PABPC1: variants seen among roughly 807,000 people sequenced by gnomAD.
PABPC1 encodes polyadenylate-binding protein 1.
PABPC1 carries 4 observed loss-of-function variants against 74.0 expected under a neutral mutation model. The ratio of observed to expected loss-of-function variants is 0.05; its 90% CI spans 0.03 to 0.12. PABPC1 has a LOEUF of 0.12. PABPC1 is among the 10% of genes least tolerant of loss of function. PABPC1 has a pLI of 1.00. For synonymous variants in PABPC1, 227 were observed against 264.1 expected (o/e 0.86, Z 1.36); for missense variants, 271 against 821.1 (o/e 0.33, Z 8.19).
rs529080613 is a variant in PABPC1, at chr8:100,718,393, C to G, written c.194-113G>C. On this transcript the variant is annotated intron_variant, in intron 1 of 14. Coordinates refer to ENST00000318607, the MANE Select transcript of PABPC1 (RefSeq NM_002568.4). ...GAGGACACATGGTCTCACAGTTGAACGCTTCCTCTTTAAGCTTCAAGATGG... is the reference window on the plus strand; with the variant it reads ...GAGGACACATGGTCTCACAGTTGAAGGCTTCCTCTTTAAGCTTCAAGATGG... The G allele has an allele frequency of 8.3e-5, 66 of 792,758 alleles. No homozygotes were observed. The African/African-American group carries it at 9.7e-4, about 12-fold the overall frequency. The allele number at this position is 792,758 out of a possible 1,614,324, so 49.1% of individuals were successfully genotyped here.
At position 100,721,687 on chromosome 8, in the gene PABPC1, G is replaced by A. The variant is rs1289412075; in HGVS notation, c.-104C>T. On this transcript the variant is annotated 5_prime_UTR_variant, in exon 1 of 15. Coordinates refer to ENST00000318607, the MANE Select transcript of PABPC1 (RefSeq NM_002568.4). The surrounding 1 kb of genome is among the most constrained non-coding windows in gnomAD (Gnocchi z 7.4). ...GGAGCCGGGGGGAGGGGAGCGGGGA[G>A]CAAGCGCAGAGGGACAAAAATCAAC... The A allele has an allele frequency of 1.0e-5, 10 of 1,004,138 alleles. No homozygotes were observed. Among genetic ancestry groups the A allele is most frequent in the Middle Eastern group, 7.0e-4 (2 of 2,872 alleles). The allele number at this position is 1,004,138 out of a possible 1,614,324, so 62.2% of individuals were successfully genotyped here. A position where few individuals can be genotyped will look rare whatever the true frequency, so the allele number is the denominator to read the frequency against.
At chr8:100,708,164 T>C (rs1386995748) in intron 9 of PABPC1, among the ~76,000 whole-genome samples, 1 of 152,262 alleles carries the variant, frequency 6.6e-6, no homozygotes, top group East Asian at 1.9e-4. Flanking sequence ...GAACAGCTCG[T>C]GTCCTCGGTC....
chr8:100,716,308 C>T (rs1325931927), intron 3 of PABPC1, among the ~76,000 whole-genome samples: 6 of 152,016 alleles, frequency 3.9e-5, no homozygotes, highest in South Asian at 4.1e-4. Context: ...GGCTGAAGCA[C>T]GACAATTGCT....
In PABPC1 at chr8:100,705,023, T is replaced by A. The variant is rs922155735; in HGVS notation, c.1721A>T (p.His574Leu). 6.2e-7 allele frequency: 1 copy of A among 1,613,852 alleles called. No individual in the cohort carries two copies. Among genetic ancestry groups the A allele is most frequent in the Non-Finnish European group, 8.5e-7 (1 of 1,179,976 alleles). ...AGTGATTTTACCAGCAAGAGTAGGG[T>A]GCATGGCTTGAATAAGAGGAAACAG... ...ERLFPLIQAM[H>L]PTLAGKITGM... Residue 574 changes from histidine (H) to leucine (L), a missense_variant, in exon 13 of 15, where the codon CAC becomes CTC. This residue lies in a region of PABPC1 where 103 missense variants were observed against 245.3 expected (regional missense o/e 0.42). Transcript: ENST00000318607.
chr8:100,714,655 G>C (rs896321472), intron 4 of PABPC1, among the ~76,000 whole-genome samples: 5 of 152,148 alleles, frequency 3.3e-5, no homozygotes, highest in African/African-American at 9.7e-5. Flanking sequence ...CTTGAACCCG[G>C]GAGGCGGAGG....
intron 7 of PABPC1, among the ~76,000 whole-genome samples, chr8:100,710,756 G>A (rs1810506774): frequency 2.0e-5 from 3 of 148,576 alleles, no homozygotes; most frequent in Admixed American, 2.0e-4. Context: ...GGAGGCCAAG[G>A]CGGGTGGATC....
At chr8:100,706,576 T>C in intron 11 of PABPC1, 75 bp downstream of exon 11, 1 of 1,347,402 alleles carries the variant, frequency 7.4e-7, no homozygotes, top group South Asian at 1.3e-5. Context: ...TGTGAGCCAC[T>C]GTGCCCAGCT....
intron 9 of PABPC1, among the ~76,000 whole-genome samples, chr8:100,708,077 TTAA>T (rs1359386091): frequency 1.3e-5 from 2 of 152,240 alleles, no homozygotes; most frequent in Admixed American, 1.3e-4. Flanking sequence ...AAACTAATGA[TTAA>T]TGATATTCAT....
At chr8:100,719,151 A>G (rs1463672869) in intron 1 of PABPC1, among the ~76,000 whole-genome samples, 1 of 152,226 alleles carries the variant, frequency 6.6e-6, no homozygotes, top group Non-Finnish European at 1.5e-5. Flanking sequence ...TAAAGGCTCT[A>G]AATGAAATAA....
intron 9 of PABPC1, 75 bp from the exon 10 acceptor site, chr8:100,707,072 G>C: frequency 9.2e-7 from 1 of 1,087,090 alleles, no homozygotes; most frequent in Non-Finnish European, 1.4e-6. Flanking sequence ...TGTCTTCTTC[G>C]ATCTGAGGTT....
chr8:100,717,634 A>G (rs1810705938), intron 3 of PABPC1, 139 bp downstream of exon 3: 2 of 605,186 alleles, frequency 3.3e-6, no homozygotes, highest in East Asian at 5.7e-5. Context: ...AATTTTTGTT[A>G]TTCATCTTTA....
At chr8:100,718,743 T>A (rs1035732727) in intron 1 of PABPC1, among the ~76,000 whole-genome samples, 1 of 152,200 alleles carries the variant, frequency 6.6e-6, no homozygotes, top group Non-Finnish European at 1.5e-5. Context: ...AAATTGGTCA[T>A]TTCATTGCTA....
At position 100,710,516 on chromosome 8, in the gene PABPC1, G is replaced by C. The variant is rs566102432; in HGVS notation, c.973-785C>G. ...GGGCTACTCAATACATGACACACTG[G>C]GACAAATGAAAAAATGTAGAACTCT... is the stretch of plus-strand genomic sequence containing the variant. On this transcript the variant is annotated intron_variant, in intron 7 of 14. Coordinates refer to ENST00000318607, the MANE Select transcript of PABPC1 (RefSeq NM_002568.4). Among the ~76,000 whole-genome samples the C allele has an allele frequency of 3.9e-5, 6 of 151,988 alleles. No individual in the cohort carries two copies. In the South Asian group the frequency reaches 6.2e-4, roughly 16 times the overall value.
At chr8:100,710,811 A>G (rs1020019132) in intron 7 of PABPC1, among the ~76,000 whole-genome samples, 3 of 151,522 alleles carry the variant, frequency 2.0e-5, no homozygotes, top group African/African-American at 7.3e-5. Flanking sequence ...ACGTGGCGAA[A>G]CCCCGTCTTT....
At position 100,712,700 on chromosome 8, in the gene PABPC1, A is replaced by C. The variant is rs755944840; in HGVS notation, c.828T>G (p.Leu276=). 3.1e-6 allele frequency: 5 copies of C among 1,612,864 alleles called. No individual in the cohort carries two copies. Among genetic ancestry groups the C allele is most frequent in the Non-Finnish European group, 4.2e-6 (5 of 1,179,624 alleles). Reference sequence around the variant, plus strand: ...GTTTCATCTGTTCAAATTTGCGCTTAAGTTCCGTCTGCCGTTCCACCTTTT... The same window carrying C: ...GTTTCATCTGTTCAAATTTGCGCTTCAGTTCCGTCTGCCGTTCCACCTTTT... ...AQKKVERQTE[L]KRKFEQMKQD... Residue 276 remains leucine, a synonymous_variant, in exon 6 of 15, where the codon CTT becomes CTG. Transcript: ENST00000318607.
chr8:100,706,118 T>G (rs1041771962), intron 11 of PABPC1, among the ~76,000 whole-genome samples: 1 of 152,180 alleles, frequency 6.6e-6, no homozygotes, highest in Non-Finnish European at 1.5e-5. Context: ...GTGCTGGGAT[T>G]ACATAGAGGT....
chr8:100,721,352 C>A lies in PABPC1; in HGVS notation c.193+39G>T. The A allele has an allele frequency of 2.3e-6, 3 of 1,298,638 alleles. No homozygotes were observed. The highest frequency in any genetic ancestry group is 1.5e-5 in the African/African-American group (1 of 65,266). The allele number at this position is 1,298,638 out of a possible 1,614,324, so 80.4% of individuals were successfully genotyped here. A position where few individuals can be genotyped will look rare whatever the true frequency, so the allele number is the denominator to read the frequency against. ...GCCGCCGCCGCCCGAGCCTCATGGCCGCCCGCCCGCCCGGCCGACCGCGGA... is the reference window on the plus strand; with the variant it reads ...GCCGCCGCCGCCCGAGCCTCATGGCAGCCCGCCCGCCCGGCCGACCGCGGA... On this transcript the variant is annotated intron_variant, in intron 1 of 14. Coordinates refer to ENST00000318607, the MANE Select transcript of PABPC1 (RefSeq NM_002568.4). This position sits in a 1 kb window ranked among gnomAD's most constrained non-coding sequence, Gnocchi z 7.4.
intron 3 of PABPC1, among the ~76,000 whole-genome samples, chr8:100,717,284 C>T (rs1164939625): frequency 1.3e-5 from 2 of 152,198 alleles, no homozygotes; most frequent in African/African-American, 4.8e-5. Context: ...CTGGGATTTA[C>T]AGGCATGAGC....
Position 100,704,907 on chromosome 8 carries a change from G to T in PABPC1, c.1818+19C>A, listed in dbSNP as rs749271552. On this transcript the variant is annotated intron_variant, in intron 13 of 14. Transcript: ENST00000318607. ...TAATAACTGTGTAAGAGGCAACTTGGTAAATAAATTTAAATCACCTTAGAA... is the reference window on the plus strand; with the variant it reads ...TAATAACTGTGTAAGAGGCAACTTGTTAAATAAATTTAAATCACCTTAGAA... The T allele has an allele frequency of 3.1e-6, 5 of 1,610,486 alleles. No individual in the cohort carries two copies. Among genetic ancestry groups the T allele is most frequent in the Non-Finnish European group, 4.2e-6 (5 of 1,179,236 alleles).
Sources: gnomAD v4.1 joint callset for allele counts (sites outside exome capture counted in the v4.1 genomes callset) on GRCh38, gnomAD v4.1.1 for gene constraint, gnomAD v4.1.1 regional missense constraint, Gnocchi (gnomAD v3.1) non-coding constraint, MANE v1.5 for transcripts, NCBI Gene and HGNC (gene_info 2026-07-23, HGNC 2026-07-21) for gene names.